The following DPP10 variants were observed in gnomAD, a reference collection of about 807,000 sequenced individuals.
DPP10 encodes the protein inactive dipeptidyl peptidase 10.
In DPP10, 33 loss-of-function variants were observed where a neutral mutation model predicts 120.9. The ratio of observed to expected loss-of-function variants is 0.27; its 90% confidence interval spans 0.21 to 0.37. DPP10 has a LOEUF of 0.37. Ranked by LOEUF, DPP10 falls within the 10% of genes least tolerant of loss-of-function variation. The pLI is 1.00. For missense variants in DPP10, 816 were observed against 942.8 expected, an observed-to-expected ratio of 0.87 and a Z score of 1.76; for synonymous variants, 337 against 326.1, an observed-to-expected ratio of 1.03 and a Z score of -0.36.
chr2:114,909,943 G>A (rs1432803049), intron 1 of DPP10, among the ~76,000 whole-genome samples: 1 of 151,722 alleles, frequency 6.6e-6, no homozygotes, highest in African/African-American at 2.4e-5. Flanking sequence ...TCAGTCTGTA[G>A]GTTCTGCATA....
chr2:114,634,121 C>G (rs1214661885), intron 1 of DPP10, among the ~76,000 whole-genome samples: 3 of 151,848 alleles, frequency 2.0e-5, no homozygotes, highest in Non-Finnish European at 4.4e-5. Flanking sequence ...ATTCTTTAAT[C>G]TGCATGGTCT....
intron 5 of DPP10, among the ~76,000 whole-genome samples, chr2:115,533,503 T>G (rs2078599585): frequency 6.6e-6 from 1 of 152,110 alleles, no homozygotes; most frequent in Non-Finnish European, 1.5e-5. Context: ...GAAGTAATCC[T>G]GTAAAATGCA....
At chr2:114,541,322 G>A (rs768763917) in intron 1 of DPP10, among the ~76,000 whole-genome samples, 6 of 152,128 alleles carry the variant, frequency 3.9e-5, no homozygotes, top group Admixed American at 3.3e-4. Context: ...TAGAGTCAGC[G>A]TGATCAACAC....
At chr2:115,479,804 A>G (rs1011087953) in intron 3 of DPP10, among the ~76,000 whole-genome samples, 1 of 152,106 alleles carries the variant, frequency 6.6e-6, no homozygotes, top group African/African-American at 2.4e-5. Flanking sequence ...CCAGTCTGGT[A>G]GAGACTAGCT....
chr2:114,544,021 G>A (rs1208725414), intron 1 of DPP10, among the ~76,000 whole-genome samples: 1 of 151,254 alleles, frequency 6.6e-6, no homozygotes, highest in East Asian at 1.9e-4. Flanking sequence ...ATATATCAGG[G>A]AATATAGCAG....
chr2:115,455,636 A>T (rs1378088570), intron 3 of DPP10, among the ~76,000 whole-genome samples: 1 of 152,130 alleles, frequency 6.6e-6, no homozygotes, highest in Non-Finnish European at 1.5e-5. Context: ...CCAATGGAAC[A>T]AAACAGAGGC....
chr2:115,458,633 G>C (rs984060428), intron 3 of DPP10, among the ~76,000 whole-genome samples: 2 of 151,848 alleles, frequency 1.3e-5, no homozygotes, highest in Non-Finnish European at 2.9e-5. Flanking sequence ...TGAGTTTGTG[G>C]ATATATATAC....
intron 19 of DPP10, among the ~76,000 whole-genome samples, chr2:115,799,372 CA>C (rs1177487034): frequency 2.6e-5 from 4 of 151,838 alleles, no homozygotes; most frequent in Admixed American, 2.0e-4. Flanking sequence ...TAAGGGCACA[CA>C]AAAAAAGTCC....
intron 1 of DPP10, among the ~76,000 whole-genome samples, chr2:114,581,130 A>G (rs113099609): frequency 6.6e-6 from 1 of 151,312 alleles, no homozygotes; most frequent in African/African-American, 2.4e-5. Flanking sequence ...TAACTTGCAG[A>G]AAATTCATAG....
chr2:114,549,219 C>T (rs1262926544), intron 1 of DPP10, among the ~76,000 whole-genome samples: 2 of 151,392 alleles, frequency 1.3e-5, no homozygotes, highest in East Asian at 1.9e-4. Context: ...TTCTCGGTGT[C>T]GTATGACCCA....
At chr2:115,517,875 G>T (rs1170419175) in intron 4 of DPP10, among the ~76,000 whole-genome samples, 1 of 152,116 alleles carries the variant, frequency 6.6e-6, no homozygotes, top group South Asian at 2.1e-4. Flanking sequence ...TCTGAGGCTG[G>T]GTAATTTACG....
chr2:115,108,551 C>T (rs942460058), intron 1 of DPP10, among the ~76,000 whole-genome samples: 1 of 152,088 alleles, frequency 6.6e-6, no homozygotes, highest in Non-Finnish European at 1.5e-5. Context: ...TCATACAAAA[C>T]AAATCTCTTG....
At chr2:115,504,131 A>G (rs2076824557) in intron 4 of DPP10, among the ~76,000 whole-genome samples, 1 of 152,084 alleles carries the variant, frequency 6.6e-6, no homozygotes, top group Admixed American at 6.6e-5. Flanking sequence ...GAGTAGGATC[A>G]TTTGGCCTTG....
At chr2:115,736,548 C>T (rs897443515) in intron 8 of DPP10, among the ~76,000 whole-genome samples, 1 of 152,008 alleles carries the variant, frequency 6.6e-6, no homozygotes, top group Non-Finnish European at 1.5e-5. Flanking sequence ...TGAACAGATC[C>T]ATTGGCAGCA....
intron 3 of DPP10, among the ~76,000 whole-genome samples, chr2:115,356,152 G>A (rs1398451098): frequency 6.6e-6 from 1 of 150,418 alleles, no homozygotes; most frequent in Non-Finnish European, 1.5e-5. Flanking sequence ...TGGGCAATAT[G>A]GCCATTTTCA....
chr2:115,033,993 GT>G (rs1704045382), intron 1 of DPP10, among the ~76,000 whole-genome samples: 1 of 148,352 alleles, frequency 6.7e-6, no homozygotes, highest in Non-Finnish European at 1.5e-5. Context: ...TGTCTCCCAG[GT>G]TCAAGGAATT....
chr2:114,948,407 T>C (rs1348452458), intron 1 of DPP10, among the ~76,000 whole-genome samples: 1 of 152,194 alleles, frequency 6.6e-6, no homozygotes, highest in African/African-American at 2.4e-5. Flanking sequence ...TACCCTTATA[T>C]AGTTTGTCTT....
intron 1 of DPP10, among the ~76,000 whole-genome samples, chr2:115,003,501 C>T (rs1025267689): frequency 2.0e-4 from 31 of 151,900 alleles, no homozygotes; most frequent in Admixed American, 4.6e-4. Flanking sequence ...TGCAGATGCA[C>T]CCCTAAATCT....
chr2:114,445,522 G>A (rs1677888732), intron 1 of DPP10, among the ~76,000 whole-genome samples: 2 of 147,254 alleles, frequency 1.4e-5, no homozygotes, highest in Admixed American at 1.4e-4. Flanking sequence ...TGCAGGAGGA[G>A]GAAAAACAGC....
Sources: gnomAD v4.1 joint callset for allele counts (sites outside exome capture counted in the v4.1 genomes callset) on GRCh38, gnomAD v4.1.1 for gene constraint, MANE v1.5 for transcripts, NCBI Gene and HGNC (gene_info 2026-07-23, HGNC 2026-07-21) for gene names.